Variants in SUPT3H observed in about 807,000 individuals in gnomAD.
SUPT3H encodes the protein SPT3 homolog, SAGA and STAGA complex component.
Under a neutral mutation model 44.3 loss-of-function variants are expected in SUPT3H, and 44 were observed. The observed-to-expected ratio is 0.99, with a 90% CI of 0.78 to 1.28. SUPT3H has a LOEUF of 1.28. Ranked by LOEUF, SUPT3H falls within the 50% of genes most tolerant of loss-of-function variation. The probability of loss-of-function intolerance (pLI) is 0.00; values close to 1 mark genes in which losing one functional copy is unlikely to be tolerated. For synonymous variants in SUPT3H, 124 were observed against 125.6 expected, an observed-to-expected ratio of 0.99 and a Z score of 0.09; for missense variants, 380 against 387.1, an observed-to-expected ratio of 0.98 and a Z score of 0.15.
intron 2 of SUPT3H, among the ~76,000 whole-genome samples, chr6:45,189,206 T>A (rs1409546533): frequency 6.6e-6 from 1 of 152,218 alleles, no homozygotes; most frequent in East Asian, 1.9e-4. Flanking sequence ...AAAAGCAACT[T>A]TTATGAGTGA....
In SUPT3H at chr6:45,063,400, G is replaced by A. The variant is rs145995636; in HGVS notation, c.186+42522C>T. 9.5e-3 allele frequency among the ~76,000 whole-genome samples: 1,439 copies of A among 151,298 alleles called. 61 individuals carry two copies. Among genetic ancestry groups the A allele is most frequent in the African/African-American group, 0.033 (1,360 of 40,740 alleles). ...AACTGGAAACTCTAAAATGCAGAGC[G>A]TCTCTCCTCCTCCAAAGGAACGCAG... On this transcript the variant is annotated intron_variant, in intron 3 of 10. Coordinates refer to ENST00000371459, the MANE Select transcript of SUPT3H (RefSeq NM_003599.4).
chr6:45,108,214 C>T (rs903966347), intron 2 of SUPT3H, among the ~76,000 whole-genome samples: 7 of 152,172 alleles, frequency 4.6e-5, no homozygotes, highest in African/African-American at 1.2e-4. Flanking sequence ...GGCTCATACC[C>T]GTAATCCTAG....
intron 2 of SUPT3H, among the ~76,000 whole-genome samples, chr6:45,263,031 T>C (rs1237891573): frequency 6.6e-6 from 1 of 152,154 alleles, no homozygotes; most frequent in East Asian, 1.9e-4. Context: ...GCTTACACAC[T>C]GCTGGTGGGA....
chr6:45,099,117 C>A, intron 3 of SUPT3H: 2 of 345,020 alleles, frequency 5.8e-6, no homozygotes. Context: ...CCCTAGTCTT[C>A]CACACCCCCA....
intron 3 of SUPT3H, among the ~76,000 whole-genome samples, chr6:45,082,919 A>C (rs1472666998): frequency 6.6e-6 from 1 of 152,184 alleles, no homozygotes; most frequent in Non-Finnish European, 1.5e-5. Context: ...AAATGACTTT[A>C]GTAAAGTTTC....
At chr6:45,150,196 A>T (rs1448329503) in intron 2 of SUPT3H, among the ~76,000 whole-genome samples, 2 of 152,164 alleles carry the variant, frequency 1.3e-5, no homozygotes, top group African/African-American at 2.4e-5. Flanking sequence ...TTAGGATATA[A>T]GAAAATTATA....
At chr6:45,176,963 T>G (rs1349479154) in intron 2 of SUPT3H, among the ~76,000 whole-genome samples, 1 of 151,866 alleles carries the variant, frequency 6.6e-6, no homozygotes, top group Non-Finnish European at 1.5e-5. Flanking sequence ...ACCACAAAGA[T>G]GGGGAAAAAA....
chr6:44,810,393 A>T (rs554555541), intron 11 of SUPT3H, among the ~76,000 whole-genome samples: 1 of 152,244 alleles, frequency 6.6e-6, no homozygotes, highest in Non-Finnish European at 1.5e-5. Flanking sequence ...TTCTTACTTT[A>T]ATATGAATAC....
intron 2 of SUPT3H, among the ~76,000 whole-genome samples, chr6:45,333,707 G>A (rs957170928): frequency 1.3e-5 from 2 of 151,210 alleles, no homozygotes; most frequent in Non-Finnish European, 3.0e-5. Context: ...ATGAGCTGTA[G>A]AATTAAAACA....
chr6:45,195,731 C>T (rs2153621734), intron 2 of SUPT3H, among the ~76,000 whole-genome samples: 1 of 152,210 alleles, frequency 6.6e-6, no homozygotes, highest in South Asian at 2.1e-4. Context: ...ATTTCAGTAA[C>T]ATCAGCAGAA....
intron 6 of SUPT3H, among the ~76,000 whole-genome samples, chr6:44,986,263 T>C (rs1288591011): frequency 1.3e-5 from 2 of 152,204 alleles, no homozygotes; most frequent in African/African-American, 2.4e-5. Flanking sequence ...CTTTTCACTT[T>C]GTAACTGTGA....
Position 44,889,011 on chromosome 6 carries a change from G to T in SUPT3H, c.912+43642C>A, listed in dbSNP as rs571064737. Among the ~76,000 whole-genome samples the T allele has an allele frequency of 1.2e-3, 177 of 144,048 alleles. 1 individual carries two copies. Among genetic ancestry groups the T allele is most frequent in the African/African-American group, 3.2e-3 (125 of 38,736 alleles). 94.5% of individuals were successfully genotyped at this position (144,048 alleles called of 152,430 possible). On this transcript the variant is annotated intron_variant, in intron 10 of 10. Transcript: ENST00000371459. Reference sequence around the variant, plus strand: ...AGCCAAATCATGAGTGAACTCCCATGCACAATTGCTTCAAAGAGAATAAAA... The same window carrying T: ...AGCCAAATCATGAGTGAACTCCCATTCACAATTGCTTCAAAGAGAATAAAA...
chr6:44,980,346 A>AT (rs1447499007), intron 6 of SUPT3H, among the ~76,000 whole-genome samples: 1 of 152,076 alleles, frequency 6.6e-6, no homozygotes, highest in East Asian at 1.9e-4. Flanking sequence ...TAACAAAATC[A>AT]TTTTTTTCTT....
intron 2 of SUPT3H, among the ~76,000 whole-genome samples, chr6:45,323,771 A>T (rs990271909): frequency 6.6e-6 from 1 of 152,112 alleles, no homozygotes; most frequent in African/African-American, 2.4e-5. Context: ...AATATACAAA[A>T]GATTCTCATT....
chr6:44,810,774 C>T (rs897578559), intron 11 of SUPT3H, among the ~76,000 whole-genome samples: 4 of 152,016 alleles, frequency 2.6e-5, no homozygotes, highest in Non-Finnish European at 4.4e-5. Context: ...GGCCTGGTGG[C>T]ACATGCCTGT....
chr6:44,974,907 G>A (rs1278765598), intron 6 of SUPT3H, among the ~76,000 whole-genome samples: 1 of 152,110 alleles, frequency 6.6e-6, no homozygotes, highest in Non-Finnish European at 1.5e-5. Flanking sequence ...GCTCAATGAT[G>A]TATTAAGATG....
chr6:45,230,682 A>T (rs1337026859), intron 2 of SUPT3H, among the ~76,000 whole-genome samples: 18 of 110,852 alleles, frequency 1.6e-4, no homozygotes, highest in African/African-American at 5.2e-4. Flanking sequence ...ATATATATAT[A>T]TATATTTTTG....
At chr6:44,912,727 C>G (rs1230675179) in intron 10 of SUPT3H, among the ~76,000 whole-genome samples, 1 of 152,172 alleles carries the variant, frequency 6.6e-6, no homozygotes, top group East Asian at 1.9e-4. Flanking sequence ...TAACACTTAT[C>G]TACAGAATGA....
chr6:44,995,500 TTAAC>T (rs1235141732), intron 6 of SUPT3H, among the ~76,000 whole-genome samples: 2 of 152,080 alleles, frequency 1.3e-5, no homozygotes, highest in Non-Finnish European at 2.9e-5. Context: ...TGTCTAAAAT[TTAAC>T]TGACACTTTA....
Sources: gnomAD v4.1 joint callset for allele counts (sites outside exome capture counted in the v4.1 genomes callset) on GRCh38, gnomAD v4.1.1 for gene constraint, MANE v1.5 for transcripts, NCBI Gene and HGNC (gene_info 2026-07-23, HGNC 2026-07-21) for gene names.